SLC39A14: variants seen among roughly 807,000 people sequenced by gnomAD.
The protein encoded by SLC39A14 is metal cation symporter ZIP14.
Under a neutral mutation model 45.5 loss-of-function variants are expected in SLC39A14, and 19 were observed. That is an observed-to-expected ratio of 0.42 (90% CI 0.29 to 0.61). The LOEUF (loss-of-function observed/expected upper bound fraction) is 0.61. SLC39A14 is among the 20% of genes least tolerant of loss of function. The probability of loss-of-function intolerance (pLI) is 0.22; values close to 1 mark genes in which losing one functional copy is unlikely to be tolerated. For synonymous variants in SLC39A14, 264 were observed against 251.3 expected (o/e 1.05, Z -0.48); for missense variants, 447 against 616.5 (o/e 0.73, Z 2.91).
downstream of SLC39A14, among the ~76,000 whole-genome samples, chr8:22,425,155 T>C (rs1836363008): frequency 6.6e-6 from 1 of 152,218 alleles, no homozygotes; most frequent in African/African-American, 2.4e-5. Flanking sequence ...GTTTCGCTTA[T>C]GCTTTATTAC....
intron 1 of SLC39A14, among the ~76,000 whole-genome samples, chr8:22,388,873 C>CCTTT (rs34543370): frequency 0.58 from 87,277 of 151,580 alleles, 26,462 homozygotes; most frequent in African/African-American, 0.77. Flanking sequence ...ATGGGCTTTT[C>CCTTT]CTTTCTTTCA....
chr8:22,381,549 C>T (rs536761089), intron 1 of SLC39A14, among the ~76,000 whole-genome samples: 1 of 152,350 alleles, frequency 6.6e-6, no homozygotes, highest in East Asian at 1.9e-4. Context: ...GGATTACAGG[C>T]GTGAGCCATA....
chr8:22,389,273 G>A (rs1011966316), intron 1 of SLC39A14, among the ~76,000 whole-genome samples: 16 of 152,212 alleles, frequency 1.1e-4, no homozygotes, highest in Non-Finnish European at 1.3e-4. Context: ...TAGTTCCCAG[G>A]TGTCAGTGAT....
intron 1 of SLC39A14, among the ~76,000 whole-genome samples, chr8:22,396,282 G>A (rs1834377166): frequency 1.3e-5 from 2 of 150,730 alleles, no homozygotes; most frequent in South Asian, 2.1e-4. Flanking sequence ...CAGGAGAATC[G>A]CTTGAACCCG....
chr8:22,386,979 C>T (rs1241214526), intron 1 of SLC39A14, among the ~76,000 whole-genome samples: 2 of 152,046 alleles, frequency 1.3e-5, no homozygotes, highest in Non-Finnish European at 2.9e-5. Flanking sequence ...CAAGACCAGG[C>T]TGGGCAATAG....
chr8:22,405,891 C>T (rs752011583), intron 2 of SLC39A14, among the ~76,000 whole-genome samples: 1 of 152,134 alleles, frequency 6.6e-6, no homozygotes, highest in Non-Finnish European at 1.5e-5. Context: ...CTTTATATAT[C>T]GACTTTGTTC....
chr8:22,417,529 C>T (rs1835959412), intron 7 of SLC39A14, 122 bp from the exon 8 acceptor site: 2 of 819,978 alleles, frequency 2.4e-6, no homozygotes, highest in South Asian at 3.4e-5. Flanking sequence ...GATTCAAACT[C>T]CTGAGCTCAA....
intron 1 of SLC39A14, among the ~76,000 whole-genome samples, chr8:22,400,531 C>G (rs1221525809): frequency 6.6e-6 from 1 of 152,084 alleles, no homozygotes; most frequent in Admixed American, 6.5e-5. Flanking sequence ...TCATTTTTGC[C>G]TAAGATCCAC....
At chr8:22,400,856 T>C (rs1316581587) in intron 1 of SLC39A14, among the ~76,000 whole-genome samples, 1 of 152,222 alleles carries the variant, frequency 6.6e-6, no homozygotes, top group African/African-American at 2.4e-5. Context: ...AGCAGCCTGA[T>C]GTTTGGGTTG....
intron 2 of SLC39A14, 128 bp downstream of exon 2, chr8:22,405,108 TGATAGAGTGGACA>T (rs2132311240): frequency 1.3e-6 from 1 of 789,692 alleles, no homozygotes; most frequent in Non-Finnish European, 2.0e-6. Context: ...CAAGTCTCGA[TGATAGAGTGGACA>T]GGCTGATTCT....
intron 8 of SLC39A14, among the ~76,000 whole-genome samples, chr8:22,430,117 C>T (rs567836696): frequency 1.9e-4 from 29 of 152,262 alleles, no homozygotes; most frequent in African/African-American, 5.5e-4. Context: ...CAGACCACTT[C>T]GGGAAAGGAG....
intron 2 of SLC39A14, among the ~76,000 whole-genome samples, chr8:22,406,869 G>A (rs73544064): frequency 0.18 from 27,999 of 152,020 alleles, 2,851 homozygotes; most frequent in African/African-American, 0.27. Flanking sequence ...CGGGAGTCCA[G>A]CCCCCAGCCT....
rs368332630 is a variant in SLC39A14, at chr8:22,399,173, A to G, written c.-15-5523A>G. Among the ~76,000 whole-genome samples, 508 of 152,256 alleles carry G rather than the reference A, an allele frequency of 3.3e-3. 4 individuals are homozygous for G. The highest frequency in any genetic ancestry group is 0.012 in the African/African-American group (478 of 41,554). On this transcript the variant is annotated intron_variant, in intron 1 of 8. Transcript: ENST00000381237. ...GGACTGGAGTGGCTCTCCAGGGGCC[A>G]CACATGGAATGGAACCTGGCGTGGG...
intron 1 of SLC39A14, among the ~76,000 whole-genome samples, chr8:22,375,449 C>A (rs1833163867): frequency 6.7e-6 from 1 of 150,216 alleles, no homozygotes; most frequent in Admixed American, 6.7e-5. Context: ...ACCTCGACAT[C>A]AAAATTTCTC....
At position 22,419,812 on chromosome 8, in the gene SLC39A14, A is replaced by C; in HGVS notation, c.*114A>C. 1 of 1,443,268 alleles carries C rather than the reference A, an allele frequency of 6.9e-7. No individual in the cohort carries two copies. The highest frequency in any genetic ancestry group is 9.1e-7 in the Non-Finnish European group (1 of 1,101,488). The allele number at this position is 1,443,268 out of a possible 1,614,324, so 89.4% of individuals were successfully genotyped here. On this transcript the variant is annotated 3_prime_UTR_variant, in exon 9 of 9. Coordinates refer to ENST00000381237, the MANE Select transcript of SLC39A14 (RefSeq NM_001128431.4). Reference sequence around the variant, plus strand: ...GAAGAGGCCGTTCTATGAAAAACTGACACAGACTGTATTCCTGCATTCAAA... The same window carrying C: ...GAAGAGGCCGTTCTATGAAAAACTGCCACAGACTGTATTCCTGCATTCAAA...
At chr8:22,406,489 C>T (rs1027054769) in intron 2 of SLC39A14, among the ~76,000 whole-genome samples, 3 of 152,044 alleles carry the variant, frequency 2.0e-5, no homozygotes, top group African/African-American at 7.2e-5. Context: ...GTCAGGAGAT[C>T]GAGACCATCC....
chr8:22,423,154 T>G (rs899961874), downstream of SLC39A14, among the ~76,000 whole-genome samples: 1 of 151,820 alleles, frequency 6.6e-6, no homozygotes, highest in Non-Finnish European at 1.5e-5. Flanking sequence ...CTCTTCTCTT[T>G]TCTTTCTTTG....
At chr8:22,369,135 T>C (rs1586619673) in intron 1 of SLC39A14, among the ~76,000 whole-genome samples, 1 of 151,984 alleles carries the variant, frequency 6.6e-6, no homozygotes, top group East Asian at 1.9e-4. Flanking sequence ...CTTGCTGGGG[T>C]TGGTTTGCAG....
intron 3 of SLC39A14, chr8:22,410,029 G>A (rs1376738690): frequency 2.5e-6 from 4 of 1,614,116 alleles, no homozygotes; most frequent in Admixed American, 1.7e-5. Flanking sequence ...CACAGAGAAA[G>A]CGTTTTTCAG....
Sources: allele counts gnomAD v4.1 joint callset (sites outside exome capture counted in the v4.1 genomes callset), GRCh38; gene constraint gnomAD v4.1.1; transcripts MANE v1.5; gene names NCBI Gene and HGNC (gene_info 2026-07-23, HGNC 2026-07-21).